Variants in CDH4 observed in about 807,000 individuals in gnomAD.
CDH4 encodes the protein cadherin-4.
Under a neutral mutation model 86.0 loss-of-function variants are expected in CDH4, and 33 were observed. That is an observed-to-expected ratio of 0.38 (90% confidence interval 0.29 to 0.51). The LOEUF (loss-of-function observed/expected upper bound fraction) is 0.51, where lower values mean the gene tolerates loss of function less well. CDH4 is among the 20% of genes least tolerant of loss of function. The pLI, the probability that CDH4 is intolerant of heterozygous loss-of-function variation, is 0.86. For missense variants in CDH4, 1,114 were observed against 1,307.4 expected (o/e 0.85, Z 2.28); for synonymous variants, 555 against 549.4 (o/e 1.01, Z -0.14).
intron 2 of CDH4, among the ~76,000 whole-genome samples, chr20:61,460,997 C>T (rs1336163784): frequency 1.3e-5 from 2 of 152,180 alleles, no homozygotes; most frequent in African/African-American, 2.4e-5. Context: ...ATCCTGCTCC[C>T]ATCTAAGCCG....
intron 3 of CDH4, among the ~76,000 whole-genome samples, chr20:61,759,091 C>T (rs1044070212): frequency 9.9e-5 from 15 of 152,204 alleles, no homozygotes; most frequent in Middle Eastern, 3.4e-3. Flanking sequence ...TGCATGTGTG[C>T]GCACACACGT....
intron 4 of CDH4, among the ~76,000 whole-genome samples, chr20:61,803,790 A>G (rs1392805557): frequency 6.6e-6 from 1 of 152,226 alleles, no homozygotes. Context: ...TTGTAAGAAA[A>G]GCTCCATTTC....
rs6061626 is a variant in CDH4, at chr20:61,538,516, T to A, written c.170-205047T>A. ...TCCTCTCTCCTCCTACTCTGTGTAC[T>A]TTCGCCTGGCCTTCCTGGAGCCAAC... On this transcript the variant is annotated intron_variant, in intron 2 of 15. Coordinates refer to ENST00000614565, the MANE Select transcript of CDH4 (RefSeq NM_001794.5). Among the ~76,000 whole-genome samples, 79 of 152,028 alleles carry A rather than the reference T, an allele frequency of 5.2e-4. 1 individual carries two copies. The highest frequency in any genetic ancestry group is 1.7e-3 in the African/African-American group (72 of 41,394).
intron 2 of CDH4, among the ~76,000 whole-genome samples, chr20:61,343,817 G>A (rs1018873936): frequency 1.3e-5 from 2 of 152,170 alleles, no homozygotes; most frequent in African/African-American, 4.8e-5. Context: ...CCCCAAGAGG[G>A]TATGGGCCAT....
chr20:61,720,170 G>A (rs866280281), intron 2 of CDH4, among the ~76,000 whole-genome samples: 4 of 152,272 alleles, frequency 2.6e-5, no homozygotes, highest in Middle Eastern at 6.8e-3. Flanking sequence ...GCATGTTCAC[G>A]TAAGTTGACT....
At chr20:61,741,595 C>T (rs908468493) in intron 2 of CDH4, among the ~76,000 whole-genome samples, 1 of 152,060 alleles carries the variant, frequency 6.6e-6, no homozygotes, top group Non-Finnish European at 1.5e-5. Flanking sequence ...AGGTTCACGC[C>T]ATTCTTCTGC....
intron 2 of CDH4, among the ~76,000 whole-genome samples, chr20:61,466,409 G>A (rs1042858082): frequency 3.9e-5 from 6 of 152,194 alleles, no homozygotes; most frequent in Admixed American, 1.3e-4. Context: ...ATCGTGCATA[G>A]CAGGTGCATC....
intron 3 of CDH4, among the ~76,000 whole-genome samples, chr20:61,762,269 T>A (rs79986607): frequency 0.037 from 5,634 of 152,304 alleles, 361 homozygotes; most frequent in African/African-American, 0.13. Context: ...GTTAGATGCA[T>A]CTTATGCCTG....
intron 2 of CDH4, among the ~76,000 whole-genome samples, chr20:61,578,633 T>G (rs2086402527): frequency 6.6e-6 from 1 of 152,140 alleles, no homozygotes; most frequent in South Asian, 2.1e-4. Context: ...TCGGCCAGGA[T>G]TCTCACCAAG....
intron 2 of CDH4, among the ~76,000 whole-genome samples, chr20:61,530,221 G>A (rs1250934938): frequency 6.6e-6 from 1 of 152,048 alleles, no homozygotes; most frequent in Non-Finnish European, 1.5e-5. Flanking sequence ...AGTAGAGATG[G>A]GATTTCACCA....
intron 2 of CDH4, among the ~76,000 whole-genome samples, chr20:61,418,524 T>A (rs916465495): frequency 6.6e-6 from 1 of 152,170 alleles, no homozygotes; most frequent in Non-Finnish European, 1.5e-5. Flanking sequence ...CTTTTTTGAC[T>A]AAGTGAGGTT....
chr20:61,435,179 G>T (rs539959252), intron 2 of CDH4, among the ~76,000 whole-genome samples: 1 of 152,284 alleles, frequency 6.6e-6, no homozygotes, highest in African/African-American at 2.4e-5. Flanking sequence ...TCATGACAAT[G>T]GGTTCCGTAG....
At chr20:61,920,661 A>T (rs76470420) in intron 9 of CDH4, among the ~76,000 whole-genome samples, 1 of 128,154 alleles carries the variant, frequency 7.8e-6, no homozygotes, top group South Asian at 2.7e-4. Flanking sequence ...GTGGTGTCAC[A>T]GTGACTGCAT....
chr20:61,341,032 A>G (rs1362070382), intron 2 of CDH4, among the ~76,000 whole-genome samples: 2 of 152,224 alleles, frequency 1.3e-5, no homozygotes, highest in Non-Finnish European at 2.9e-5. Flanking sequence ...CGTCCGCTAC[A>G]CGAGGCCGCT....
chr20:61,288,857 G>A (rs1213506958), intron 2 of CDH4, among the ~76,000 whole-genome samples: 1 of 152,226 alleles, frequency 6.6e-6, no homozygotes, highest in Non-Finnish European at 1.5e-5. Context: ...GGTATTCCTT[G>A]TCTTCAGGCA....
chr20:61,669,005 G>A (rs906927746), intron 2 of CDH4, among the ~76,000 whole-genome samples: 7 of 152,198 alleles, frequency 4.6e-5, no homozygotes, highest in Non-Finnish European at 1.0e-4. Flanking sequence ...GAGGACCCCT[G>A]TCCAGCGAAG....
intron 2 of CDH4, among the ~76,000 whole-genome samples, chr20:61,341,037 G>T (rs1479397727): frequency 6.6e-6 from 1 of 152,168 alleles, no homozygotes; most frequent in Admixed American, 6.5e-5. Context: ...GCTACACGAG[G>T]CCGCTTGGGA....
At chr20:61,797,710 A>G (rs1008121824) in intron 4 of CDH4, among the ~76,000 whole-genome samples, 1 of 152,200 alleles carries the variant, frequency 6.6e-6, no homozygotes, top group Non-Finnish European at 1.5e-5. Flanking sequence ...TTGCTTGAGC[A>G]CAGGAATTCA....
chr20:61,507,285 C>T (rs1221866982), intron 2 of CDH4, among the ~76,000 whole-genome samples: 1 of 152,188 alleles, frequency 6.6e-6, no homozygotes, highest in African/African-American at 2.4e-5. Flanking sequence ...GCGCAGCCAT[C>T]TTGATTATAA....
Sources: gnomAD v4.1 joint callset for allele counts (sites outside exome capture counted in the v4.1 genomes callset) on GRCh38, gnomAD v4.1.1 for gene constraint, MANE v1.5 for transcripts, NCBI Gene and HGNC (gene_info 2026-07-23, HGNC 2026-07-21) for gene names.